The following PHYHIP variants were observed in gnomAD, a reference collection of about 807,000 sequenced individuals.
The protein encoded by PHYHIP is phytanoyl-CoA 2-hydroxylase interacting protein, also known as phytanoyl-CoA hydroxylase-interacting protein.
Under a neutral mutation model 26.1 loss-of-function variants are expected in PHYHIP, and 7 were observed. The ratio of observed to expected loss-of-function variants is 0.27; its 90% confidence interval spans 0.15 to 0.50. The LOEUF is 0.50. Among genes scored for constraint, PHYHIP ranks in the 20% least tolerant of loss-of-function variants. The pLI is 0.98. For missense variants in PHYHIP, 232 were observed against 454.7 expected (o/e 0.51, Z 4.45); for synonymous variants, 206 against 183.4 (o/e 1.12, Z -1.00).
intron 3 of PHYHIP, among the ~76,000 whole-genome samples, chr8:22,225,444 T>C (rs112833877): frequency 0.023 from 3,491 of 151,850 alleles, 80 homozygotes; most frequent in Non-Finnish European, 0.032. Flanking sequence ...CAGTGAGCCA[T>C]GATCATGCCA....
chr8:22,224,264 G>A lies in PHYHIP; in HGVS notation c.420C>T (p.Phe140=), dbSNP rs751021883. 7.4e-6 allele frequency: 12 copies of A among 1,612,354 alleles called. No individual in the cohort carries two copies. Among genetic ancestry groups the A allele is most frequent in the African/African-American group, 1.3e-5 (1 of 74,910 alleles). ...AGTACTCCTTGTGATGGTTGCGGTA[G>A]AAGACGGAGAAGCGGAGCATGCGGC... The part of the protein sequence containing the change: ...IAGRMLRFSV[F]YRNHHKEYFQ... The change falls in exon 4 of 5, where the codon TTC becomes TTT. Residue 140 remains phenylalanine (F), a synonymous_variant. Coordinates refer to ENST00000454243, the MANE Select transcript of PHYHIP (RefSeq NM_014759.5).
rs1169079330 is a variant in PHYHIP at position 22,221,446 on chromosome 8, C to T, written c.900G>A (p.Gly300=). The T allele has an allele frequency of 6.2e-7, 1 of 1,614,114 alleles. No homozygotes were observed. Among genetic ancestry groups the T allele is most frequent in the South Asian group, 1.1e-5 (1 of 91,080 alleles). ...TCATGAGCTGGTGCCCACTGATCTC[C>T]CCCAGGGTGCCCAGGGACAGGTCGA... The part of the protein sequence containing the change: ...EPVDLSLGTL[G]EISGHQLMSL... Residue 300 remains glycine, a synonymous_variant, in exon 5 of 5, where the codon GGG becomes GGA. Coordinates refer to ENST00000454243, the MANE Select transcript of PHYHIP (RefSeq NM_014759.5). The surrounding 1 kb of genome is among the most constrained non-coding windows in gnomAD (Gnocchi z 7.9).
intron 2 of PHYHIP, 86 bp from the exon 3 acceptor site, chr8:22,227,111 C>T: frequency 8.3e-7 from 1 of 1,205,234 alleles, no homozygotes; most frequent in East Asian, 2.5e-5. Context: ...CCCCACTCCC[C>T]AGATGGCCCT....
At position 22,221,284 on chromosome 8, in the gene PHYHIP, C is replaced by G; in HGVS notation, c.*69G>C. ...GGGGCAGGAGAGAGAAAGCCAGCTC[C>G]CTGAACCTGGGCTACCCACCTCCAC... On this transcript the variant is annotated 3_prime_UTR_variant, in exon 5 of 5. Coordinates refer to ENST00000454243, the MANE Select transcript of PHYHIP (RefSeq NM_014759.5). The surrounding 1 kb of genome is among the most constrained non-coding windows in gnomAD (Gnocchi z 7.9). 7.0e-7 allele frequency: 1 copy of G among 1,435,504 alleles called. No individual in the cohort carries two copies. Among genetic ancestry groups the G allele is most frequent in the Non-Finnish European group, 9.3e-7 (1 of 1,071,786 alleles). 88.9% of individuals were successfully genotyped at this position (1,435,504 alleles called of 1,614,324 possible).
At chr8:22,226,559 T>C (rs1829749209) in intron 3 of PHYHIP, among the ~76,000 whole-genome samples, 6 of 152,172 alleles carry the variant, frequency 3.9e-5, no homozygotes, top group Admixed American at 3.3e-4. Context: ...TTTAAAAAGA[T>C]GCCTGTGATC....
At chr8:22,226,796 C>T (rs1829754956) in intron 3 of PHYHIP, 55 bp downstream of exon 3, 1 of 1,530,124 alleles carries the variant, frequency 6.5e-7, no homozygotes, top group Non-Finnish European at 8.9e-7. Flanking sequence ...GCCTTGACCA[C>T]AGCAAAGCCC....
At chr8:22,228,685 G>C (rs1829804503) in intron 1 of PHYHIP, 1 of 202,644 alleles carries the variant, frequency 4.9e-6, no homozygotes, top group Non-Finnish European at 9.9e-6. Context: ...ATTTGCAGCA[G>C]ATGGAGCCGA....
intron 4 of PHYHIP, chr8:22,223,849 T>G: frequency 5.5e-6 from 1 of 181,050 alleles, no homozygotes; most frequent in Non-Finnish European, 1.1e-5. Flanking sequence ...CCCTTTGTGA[T>G]CAGAACACTC....
intron 4 of PHYHIP, 123 bp from the exon 5 acceptor site, chr8:22,222,010 A>G (rs565337451): frequency 1.3e-6 from 1 of 768,966 alleles, no homozygotes; most frequent in East Asian, 2.7e-5. Flanking sequence ...GCCCTCCCCC[A>G]GCCGCCTCCA....
intron 1 of PHYHIP, among the ~76,000 whole-genome samples, chr8:22,231,138 C>A (rs1829858163): frequency 6.6e-6 from 1 of 152,242 alleles, no homozygotes; most frequent in South Asian, 2.1e-4. Context: ...GCTCTGCCCA[C>A]AGACAATGGT....
chr8:22,229,989 C>T (rs1173355740), intron 1 of PHYHIP, among the ~76,000 whole-genome samples: 6 of 152,170 alleles, frequency 3.9e-5, no homozygotes, highest in Non-Finnish European at 1.5e-5. Flanking sequence ...AGCCAAATGC[C>T]GGTGGCTTTG....
chr8:22,228,366 C>G lies in PHYHIP; in HGVS notation c.-9G>C. On this transcript the variant is annotated 5_prime_UTR_variant, in exon 2 of 5. Transcript: ENST00000454243. The stretch of plus-strand genomic sequence containing the variant: ...GTGGACAGCAGCTCCATGCTCCCGT[C>G]AGGGTTGTCTCCTGTGGGGACTGAG... 6.3e-7 allele frequency: 1 copy of G among 1,579,498 alleles called. No homozygotes were observed. Among genetic ancestry groups the G allele is most frequent in the Non-Finnish European group, 8.6e-7 (1 of 1,162,198 alleles).
At chr8:22,229,029 C>T (rs908371097) in intron 1 of PHYHIP, 1 of 152,280 alleles carries the variant, frequency 6.6e-6, no homozygotes, top group Non-Finnish European at 1.5e-5. Flanking sequence ...CCCTCTTTCT[C>T]TTTCGGCCAA....
chr8:22,226,875 C>T lies in PHYHIP; in HGVS notation c.316G>A (p.Glu106Lys). Residue 106 changes from glutamate (E) to lysine (K), a missense_variant, in exon 3 of 5, where the codon GAG becomes AAG. By Grantham distance (56) the Glu-to-Lys change is moderately conservative. Coordinates refer to ENST00000454243, the MANE Select transcript of PHYHIP (RefSeq NM_014759.5). ...DGEYLVSGWS[E>K]TVEFCTGDYA... Reference sequence around the variant, plus strand: ...CCCCCAGTGCAGAACTCCACCGTCTCGCTCCAGCCGGACACCAGGTACTCC... The same window carrying T: ...CCCCCAGTGCAGAACTCCACCGTCTTGCTCCAGCCGGACACCAGGTACTCC... The T allele has an allele frequency of 6.2e-7, 1 of 1,613,828 alleles. No individual in the cohort carries two copies.
chr8:22,230,860 C>G (rs990332209), intron 1 of PHYHIP, among the ~76,000 whole-genome samples: 1 of 152,074 alleles, frequency 6.6e-6, no homozygotes, highest in Non-Finnish European at 1.5e-5. Flanking sequence ...CACACGTCCA[C>G]GCACACCGCC....
intron 4 of PHYHIP, among the ~76,000 whole-genome samples, chr8:22,223,360 CAAAAAAAAAAAA>C (rs750178076): frequency 1.6e-5 from 1 of 62,066 alleles, no homozygotes; most frequent in Admixed American, 1.8e-4. Flanking sequence ...GACGCCATCT[CAAAAAAAAAAAA>C]AAAAAAAAAG....
In PHYHIP at chr8:22,221,294, G is replaced by A. The variant is rs886078665; in HGVS notation, c.*59C>T. 2.0e-6 allele frequency: 3 copies of A among 1,475,508 alleles called. No individual in the cohort carries two copies. The African/African-American group carries it at 4.2e-5, about 21-fold the overall frequency. 91.4% of individuals were successfully genotyped at this position (1,475,508 alleles called of 1,614,324 possible). ...AGAGAAAGCCAGCTCCCTGAACCTG[G>A]GCTACCCACCTCCACCTTCCGCTCA... On this transcript the variant is annotated 3_prime_UTR_variant, in exon 5 of 5. Transcript: ENST00000454243. The surrounding 1 kb of genome is among the most constrained non-coding windows in gnomAD (Gnocchi z 7.9).
At position 22,221,767 on chromosome 8, in the gene PHYHIP, G is replaced by A; in HGVS notation, c.579C>T (p.Gly193=). ...FFSCNTEFNT[G]QPPQDSPYGR... The stretch of plus-strand genomic sequence containing the variant: ...CGTAGGGGGAGTCCTGCGGGGGCTG[G>A]CCCGTGTTGAACTCCGTGTTGCAGC... The change falls in exon 5 of 5, where the codon GGC becomes GGT. Residue 193 remains glycine (G), a synonymous_variant. Transcript: ENST00000454243. This position sits in a 1 kb window ranked among gnomAD's most constrained non-coding sequence, Gnocchi z 7.9. The A allele has an allele frequency of 9.3e-6, 15 of 1,610,602 alleles. No individual in the cohort carries two copies. The highest frequency in any genetic ancestry group is 1.3e-5 in the Non-Finnish European group (15 of 1,178,750).
intron 1 of PHYHIP, chr8:22,228,619 C>T (rs998534099): frequency 2.1e-5 from 7 of 330,870 alleles, no homozygotes; most frequent in Non-Finnish European, 3.9e-5. Context: ...GCAGAGCAGA[C>T]GGCACCTGAC....
Sources: allele counts gnomAD v4.1 joint callset (sites outside exome capture counted in the v4.1 genomes callset), GRCh38; gene constraint gnomAD v4.1.1; non-coding constraint Gnocchi (gnomAD v3.1); transcripts MANE v1.5; gene names NCBI Gene and HGNC (gene_info 2026-07-23, HGNC 2026-07-21).